COL23A1: variants seen among roughly 807,000 people sequenced by gnomAD.
COL23A1 encodes collagen alpha-1(XXIII) chain.
Under a neutral mutation model 99.3 loss-of-function variants are expected in COL23A1, and 97 were observed. The observed-to-expected ratio is 0.98, with a 90% CI of 0.83 to 1.16. The LOEUF (loss-of-function observed/expected upper bound fraction) is 1.16, where lower values mean the gene tolerates loss of function less well. COL23A1 is among the 50% of genes most tolerant of loss of function. COL23A1 has a pLI of 0.00. For synonymous variants in COL23A1, 320 were observed against 308.2 expected, an observed-to-expected ratio of 1.04 and a Z score of -0.40; for missense variants, 762 against 757.4, an observed-to-expected ratio of 1.01 and a Z score of -0.07.
intron 2 of COL23A1, among the ~76,000 whole-genome samples, chr5:178,511,005 G>C (rs921658361): frequency 3.3e-5 from 5 of 152,136 alleles, no homozygotes; most frequent in African/African-American, 9.7e-5. Flanking sequence ...ATAAATATAT[G>C]CTAGGATTAA....
chr5:178,506,372 C>A (rs1293941409), intron 2 of COL23A1, among the ~76,000 whole-genome samples: 1 of 152,206 alleles, frequency 6.6e-6, no homozygotes, highest in African/African-American at 2.4e-5. Context: ...ACTCCAGGGA[C>A]TTGATCAGAA....
rs952505962 is a variant in COL23A1, at chr5:178,309,706, C to A, written c.362-2787G>T. On this transcript the variant is annotated intron_variant, in intron 2 of 28. Coordinates refer to ENST00000390654, the MANE Select transcript of COL23A1 (RefSeq NM_173465.4). This position sits in a 1 kb window ranked among gnomAD's most constrained non-coding sequence, Gnocchi z 4.7. ...ACCCAAGCAGTCAAGCCAGAGACCC[C>A]CCCCCGGGCATCATCCTGCCCCAGC... Among the ~76,000 whole-genome samples the A allele has an allele frequency of 1.3e-5, 2 of 151,998 alleles. No individual in the cohort carries two copies. Among genetic ancestry groups the A allele is most frequent in the Admixed American group, 1.3e-4 (2 of 15,266 alleles).
At position 178,439,813 on chromosome 5, in the gene COL23A1, G is replaced by C. The variant is rs1177414960; in HGVS notation, c.361+120869C>G. The C allele has an allele frequency of 6.6e-6, 1 of 152,230 alleles. No individual in the cohort carries two copies. The highest frequency in any genetic ancestry group is 1.5e-5 in the Non-Finnish European group (1 of 68,052). The allele number at this position is 152,230 out of a possible 1,614,324, so 9.4% of individuals were successfully genotyped here. On this transcript the variant is annotated intron_variant, in intron 2 of 28. Transcript: ENST00000390654. The surrounding 1 kb of genome is among the most constrained non-coding windows in gnomAD (Gnocchi z 4.2). ...GAAACAATCCAAGCATCCATCATCT[G>C]GCAAATGGAGAAACTACAGTGTAGC... is the stretch of plus-strand genomic sequence containing the variant.
intron 27 of COL23A1, 143 bp downstream of exon 27, chr5:178,241,896 CAGT>C: frequency 1.6e-6 from 1 of 637,160 alleles, no homozygotes; most frequent in Non-Finnish European, 2.8e-6. Flanking sequence ...GTAGCAGCAG[CAGT>C]GGCCCTGACA....
intron 2 of COL23A1, among the ~76,000 whole-genome samples, chr5:178,332,689 G>A (rs781331181): frequency 2.0e-5 from 3 of 152,070 alleles, no homozygotes; most frequent in Non-Finnish European, 4.4e-5. Context: ...GATTTTAACA[G>A]AGATGTGGTT....
Position 178,246,230 on chromosome 5 carries a change from G to A in COL23A1, c.1413+24C>T, listed in dbSNP as rs900161707. The A allele has an allele frequency of 3.5e-5, 54 of 1,552,808 alleles. 1 individual carries two copies. Among genetic ancestry groups the A allele is most frequent in the Non-Finnish European group, 2.9e-5 (33 of 1,147,664 alleles). On this transcript the variant is annotated intron_variant, in intron 24 of 28. Coordinates refer to ENST00000390654, the MANE Select transcript of COL23A1 (RefSeq NM_173465.4). ...ATGACCAGGTGGCCACGGTTGGAGA[G>A]GGAGTTCCGAATGAGGCGGTTACCT...
chr5:178,577,486 G>T (rs1763437090), intron 1 of COL23A1, among the ~76,000 whole-genome samples: 1 of 152,230 alleles, frequency 6.6e-6, no homozygotes, highest in Non-Finnish European at 1.5e-5. Context: ...GCTGTAGGGG[G>T]AAGCTCAGGC....
intron 5 of COL23A1, among the ~76,000 whole-genome samples, chr5:178,285,383 C>CA (rs1042073660): frequency 2.0e-5 from 3 of 151,986 alleles, no homozygotes; most frequent in South Asian, 2.1e-4. Context: ...TACTAAGCTA[C>CA]AAAAAAACAC....
chr5:178,573,185 T>A (rs971356447), intron 1 of COL23A1, among the ~76,000 whole-genome samples: 2 of 152,176 alleles, frequency 1.3e-5, no homozygotes, highest in African/African-American at 4.8e-5. Context: ...ATTTTTAATT[T>A]GTGGAGTTCA....
intron 2 of COL23A1, among the ~76,000 whole-genome samples, chr5:178,456,614 C>G (rs1265790389): frequency 6.6e-6 from 1 of 152,318 alleles, no homozygotes; most frequent in Non-Finnish European, 1.5e-5. Context: ...AGGAGAATTG[C>G]TTGAACCCGG....
chr5:178,243,686 C>T (rs773787846), intron 25 of COL23A1, among the ~76,000 whole-genome samples: 8 of 152,048 alleles, frequency 5.3e-5, no homozygotes, highest in African/African-American at 1.2e-4. Context: ...TTTCTCAGCA[C>T]GGTCCTCATT....
intron 2 of COL23A1, among the ~76,000 whole-genome samples, chr5:178,532,119 CT>C (rs1486080352): frequency 6.6e-6 from 1 of 152,224 alleles, no homozygotes; most frequent in African/African-American, 2.4e-5. Flanking sequence ...CTTTTTGGTC[CT>C]GTTCCAGCCA....
At chr5:178,240,603 C>T (rs550489397) in intron 27 of COL23A1, among the ~76,000 whole-genome samples, 5 of 152,296 alleles carry the variant, frequency 3.3e-5, no homozygotes, top group Admixed American at 6.5e-5. Flanking sequence ...CCCGGAGCTG[C>T]GGGGCTGGGC....
intron 2 of COL23A1, among the ~76,000 whole-genome samples, chr5:178,412,491 A>G (rs996625066): frequency 1.3e-5 from 2 of 152,202 alleles, no homozygotes; most frequent in African/African-American, 4.8e-5. Context: ...AATAACTTCT[A>G]AAGTCTGTTC....
chr5:178,342,238 C>T (rs1246979640), intron 2 of COL23A1, among the ~76,000 whole-genome samples: 1 of 152,220 alleles, frequency 6.6e-6, no homozygotes, highest in Non-Finnish European at 1.5e-5. Flanking sequence ...GGAGCTCCAG[C>T]AGGTCTGGGA....
chr5:178,493,167 C>G (rs1388624737), intron 2 of COL23A1, among the ~76,000 whole-genome samples: 1 of 152,196 alleles, frequency 6.6e-6, no homozygotes, highest in African/African-American at 2.4e-5. Context: ...AGGAGGTGAT[C>G]TCCAGGCACC....
chr5:178,326,085 C>T (rs1051349444), intron 2 of COL23A1, among the ~76,000 whole-genome samples: 1 of 152,288 alleles, frequency 6.6e-6, no homozygotes, highest in African/African-American at 2.4e-5. Context: ...GGGAGACAGG[C>T]CCATTTTTTT....
intron 1 of COL23A1, among the ~76,000 whole-genome samples, chr5:178,561,500 C>T (rs575660528): frequency 6.6e-6 from 1 of 152,238 alleles, no homozygotes; most frequent in South Asian, 2.1e-4. Context: ...CCTATGGGCA[C>T]CCCTGAGGCC....
At chr5:178,249,601 G>A (rs1220199210) in intron 18 of COL23A1, among the ~76,000 whole-genome samples, 2 of 151,886 alleles carry the variant, frequency 1.3e-5, no homozygotes, top group Non-Finnish European at 2.9e-5. Flanking sequence ...TCCAGGATGA[G>A]ACACACACTG....
Sources: allele counts gnomAD v4.1 joint callset (sites outside exome capture counted in the v4.1 genomes callset), GRCh38; gene constraint gnomAD v4.1.1; non-coding constraint Gnocchi (gnomAD v3.1); transcripts MANE v1.5; gene names NCBI Gene and HGNC (gene_info 2026-07-23, HGNC 2026-07-21).